The following KHDRBS2 variants were observed in gnomAD, a reference collection of about 807,000 sequenced individuals.
KHDRBS2 encodes the protein KH domain-containing, RNA-binding, signal transduction-associated protein 2.
Under a neutral mutation model 44.3 loss-of-function variants are expected in KHDRBS2, and 26 were observed. That is an observed-to-expected ratio of 0.59 (90% CI 0.43 to 0.81). The LOEUF (loss-of-function observed/expected upper bound fraction) is 0.81, where lower values mean the gene tolerates loss of function less well. Among genes scored for constraint, KHDRBS2 ranks in the 40% least tolerant of loss-of-function variants. The probability of loss-of-function intolerance (pLI) is 0.00; values close to 1 mark genes in which losing one functional copy is unlikely to be tolerated. For synonymous variants in KHDRBS2, 194 were observed against 151.1 expected (o/e 1.28, Z -2.08); for missense variants, 476 against 433.1 (o/e 1.10, Z -0.88).
chr6:62,044,181 T>C (rs1787168908), intron 3 of KHDRBS2, among the ~76,000 whole-genome samples: 1 of 151,988 alleles, frequency 6.6e-6, no homozygotes, highest in Admixed American at 6.6e-5. Context: ...AGTCTCCCGC[T>C]TAAGTGCTCA....
chr6:62,249,139 C>A (rs1836113295), intron 1 of KHDRBS2, among the ~76,000 whole-genome samples: 3 of 151,992 alleles, frequency 2.0e-5, no homozygotes, highest in Admixed American at 6.6e-5. Flanking sequence ...TATATAAATT[C>A]TTTGAAGTAA....
chr6:61,842,310 C>A (rs1316230282), intron 6 of KHDRBS2, among the ~76,000 whole-genome samples: 1 of 152,132 alleles, frequency 6.6e-6, no homozygotes, highest in Non-Finnish European at 1.5e-5. Context: ...GCTGTGTAGG[C>A]TGACAGGGCC....
intron 2 of KHDRBS2, among the ~76,000 whole-genome samples, chr6:62,061,668 T>G (rs575108477): frequency 3.3e-5 from 5 of 151,334 alleles, no homozygotes; most frequent in South Asian, 2.1e-4. Context: ...TTGCTCTTCT[T>G]GAGGAGTATC....
At chr6:62,202,100 T>C (rs517308) in intron 1 of KHDRBS2, among the ~76,000 whole-genome samples, 25,963 of 151,948 alleles carry the variant, frequency 0.17, 2,442 homozygotes, top group African/African-American at 0.26. Context: ...TAATTGGGTA[T>C]AGGACTTGTA....
chr6:61,998,145 A>G (rs1451969362), intron 3 of KHDRBS2, among the ~76,000 whole-genome samples: 1 of 152,184 alleles, frequency 6.6e-6, no homozygotes, highest in Non-Finnish European at 1.5e-5. Context: ...AGTTAAATGA[A>G]GAACCTGAAT....
At chr6:61,715,041 T>C (rs896287028) in intron 7 of KHDRBS2, among the ~76,000 whole-genome samples, 3 of 151,872 alleles carry the variant, frequency 2.0e-5, no homozygotes, top group African/African-American at 4.8e-5. Context: ...AATCTATGCA[T>C]AGAACAAATT....
chr6:62,234,092 G>A (rs973343226), intron 1 of KHDRBS2, among the ~76,000 whole-genome samples: 2 of 151,848 alleles, frequency 1.3e-5, no homozygotes. Flanking sequence ...CTAAATTCCA[G>A]ATTGATAACT....
intron 3 of KHDRBS2, among the ~76,000 whole-genome samples, chr6:62,018,442 G>A (rs143315215): frequency 6.6e-6 from 1 of 151,974 alleles, no homozygotes; most frequent in South Asian, 2.1e-4. Context: ...CCGCCTCCCA[G>A]TTTCACGCCA....
chr6:61,985,683 T>C (rs987805230), intron 3 of KHDRBS2, among the ~76,000 whole-genome samples: 1 of 152,172 alleles, frequency 6.6e-6, no homozygotes, highest in Admixed American at 6.6e-5. Flanking sequence ...GACGATAATG[T>C]TCTGCAAGTC....
At chr6:62,149,960 T>C (rs922284298) in intron 2 of KHDRBS2, among the ~76,000 whole-genome samples, 20 of 152,238 alleles carry the variant, frequency 1.3e-4, no homozygotes, top group African/African-American at 4.3e-4. Context: ...TGTGAAGTTT[T>C]AATGTCTAGA....
chr6:61,719,604 A>G (rs1772035417), intron 7 of KHDRBS2, among the ~76,000 whole-genome samples: 2 of 152,062 alleles, frequency 1.3e-5, no homozygotes, highest in African/African-American at 4.8e-5. Flanking sequence ...CTAGCCCTGC[A>G]ATTTGAAGCT....
chr6:61,553,893 T>C, the KHDRBS2 span, among the ~76,000 whole-genome samples: 1 of 152,090 alleles, frequency 6.6e-6, no homozygotes, highest in African/African-American at 2.4e-5. Context: ...TTTTTAAGTG[T>C]TTGTTTGGAG....
chr6:61,611,745 T>C, the KHDRBS2 span, among the ~76,000 whole-genome samples: 2 of 152,322 alleles, frequency 1.3e-5, no homozygotes, highest in South Asian at 2.1e-4. Context: ...TCAACTTTTA[T>C]TTTGAACTTT....
chr6:61,549,685 C>T, the KHDRBS2 span, among the ~76,000 whole-genome samples: 16 of 152,138 alleles, frequency 1.1e-4, no homozygotes, highest in Admixed American at 3.3e-4. Flanking sequence ...CTTTTTCAGA[C>T]GATTGTGAAT....
At chr6:61,822,743 C>T (rs1790141633) in intron 6 of KHDRBS2, among the ~76,000 whole-genome samples, 1 of 151,976 alleles carries the variant, frequency 6.6e-6, no homozygotes, top group African/African-American at 2.4e-5. Flanking sequence ...TGTAGTCTTA[C>T]AAACAAGCTC....
intron 3 of KHDRBS2, among the ~76,000 whole-genome samples, chr6:62,038,621 A>T (rs758885260): frequency 2.6e-5 from 4 of 152,088 alleles, no homozygotes; most frequent in African/African-American, 4.8e-5. Context: ...CTGATGACGC[A>T]CTTGAGTTAA....
the KHDRBS2 span, among the ~76,000 whole-genome samples, chr6:61,624,028 A>G: frequency 1.3e-5 from 2 of 152,204 alleles, no homozygotes; most frequent in Non-Finnish European, 2.9e-5. Context: ...CTAACACTGG[A>G]AAAGAAAAAG....
chr6:61,699,017 G>T (rs1768248088), intron 7 of KHDRBS2, among the ~76,000 whole-genome samples: 1 of 151,936 alleles, frequency 6.6e-6, no homozygotes, highest in African/African-American at 2.4e-5. Context: ...ACACCCATTT[G>T]CTTATTTATT....
chr6:62,027,332 T>C (rs1387013430), intron 3 of KHDRBS2, among the ~76,000 whole-genome samples: 1 of 152,106 alleles, frequency 6.6e-6, no homozygotes, highest in Non-Finnish European at 1.5e-5. Flanking sequence ...TAAAGACAAA[T>C]ATGTAGGACT....
Sources: gnomAD v4.1 joint callset for allele counts (sites outside exome capture counted in the v4.1 genomes callset) on GRCh38, gnomAD v4.1.1 for gene constraint, MANE v1.5 for transcripts, NCBI Gene and HGNC (gene_info 2026-07-23, HGNC 2026-07-21) for gene names.